Variants in RTL4 observed in about 807,000 individuals in gnomAD.
RTL4 encodes the protein retrotransposon Gag-like protein 4.
RTL4 carries 4 observed loss-of-function variants against 5.3 expected under a neutral mutation model. The ratio of observed to expected loss-of-function variants is 0.75; its 90% confidence interval spans 0.37 to 1.72. The LOEUF is 1.72. Ranked by LOEUF, RTL4 falls within the 40% of genes most tolerant of loss-of-function variation. RTL4 has a pLI of 0.04. For missense variants in RTL4, 260 were observed against 227.1 expected (o/e 1.14, Z -0.93); for synonymous variants, 98 against 87.3 (o/e 1.12, Z -0.68).
At chrX:112,351,957 T>A in the RTL4 span, among the ~76,000 whole-genome samples, 1 of 111,968 alleles carries the variant, frequency 8.9e-6, no homozygotes. Flanking sequence ...AGTTTCTTCC[T>A]AGCCTTGATG....
At chrX:112,161,881 C>CTTTCT in the RTL4 span, among the ~76,000 whole-genome samples, 21 of 21,146 alleles carry the variant, frequency 9.9e-4, no homozygotes, top group Non-Finnish European at 1.0e-3. Flanking sequence ...TTCCTTCTTT[C>CTTTCT]TTCTTTCTTT....
chrX:112,262,945 C>CAA, the RTL4 span, among the ~76,000 whole-genome samples: 3 of 104,895 alleles, frequency 2.9e-5, no homozygotes, highest in Non-Finnish European at 3.9e-5. Context: ...ATCGCAAGGA[C>CAA]AAACACCAAA....
the RTL4 span, among the ~76,000 whole-genome samples, chrX:112,090,795 A>T: frequency 9.0e-6 from 1 of 110,861 alleles, no homozygotes; most frequent in Non-Finnish European, 1.9e-5. Context: ...TCCTATTAAA[A>T]TTTTTTTAGA....
At chrX:112,275,165 A>T in the RTL4 span, among the ~76,000 whole-genome samples, 1 of 104,811 alleles carries the variant, frequency 9.5e-6, no homozygotes, top group Non-Finnish European at 1.9e-5. Flanking sequence ...ATTTGATCTC[A>T]TTTTTTCTCT....
the RTL4 span, among the ~76,000 whole-genome samples, chrX:112,114,917 T>C: frequency 2.2e-4 from 25 of 111,451 alleles, no homozygotes; most frequent in Admixed American, 5.7e-4. Context: ...TTGTAATTTA[T>C]ACTTCCCTCA....
chrX:112,370,222 T>A, the RTL4 span, among the ~76,000 whole-genome samples: 2 of 111,111 alleles, frequency 1.8e-5, no homozygotes, highest in Non-Finnish European at 3.8e-5. Context: ...CAAAAGCCTC[T>A]TATTTGACCA....
At chrX:112,133,837 T>C in the RTL4 span, among the ~76,000 whole-genome samples, 1 of 112,365 alleles carries the variant, frequency 8.9e-6, no homozygotes, top group Admixed American at 9.4e-5. Flanking sequence ...GGCTGTATTC[T>C]CATTATTGAT....
At chrX:112,111,568 G>A in the RTL4 span, among the ~76,000 whole-genome samples, 1 of 112,692 alleles carries the variant, frequency 8.9e-6, no homozygotes, top group South Asian at 3.6e-4. Flanking sequence ...TGCAGCATGG[G>A]CATGTAGGAT....
the RTL4 span, among the ~76,000 whole-genome samples, chrX:112,329,405 C>T: frequency 2.7e-5 from 3 of 111,655 alleles, no homozygotes; most frequent in African/African-American, 6.5e-5. Flanking sequence ...ACTAGAAAAT[C>T]TAGAAGAAAT....
the RTL4 span, among the ~76,000 whole-genome samples, chrX:112,094,121 G>A: frequency 9.0e-6 from 1 of 111,666 alleles, no homozygotes; most frequent in Non-Finnish European, 1.9e-5. Context: ...CTAGTTAGGA[G>A]TGTATTGAAA....
the RTL4 span, among the ~76,000 whole-genome samples, chrX:112,281,885 T>C: frequency 3.6e-5 from 4 of 112,119 alleles, no homozygotes; most frequent in South Asian, 1.5e-3. Flanking sequence ...ATTTTTACTA[T>C]TAATCCCTTT....
At chrX:112,358,714 C>A in the RTL4 span, among the ~76,000 whole-genome samples, 8 of 111,615 alleles carry the variant, frequency 7.2e-5, no homozygotes, top group South Asian at 3.0e-3. Flanking sequence ...TGGTGGCTGC[C>A]ATTCCAGATC....
At chrX:112,106,170 C>T in the RTL4 span, among the ~76,000 whole-genome samples, 3 of 111,878 alleles carry the variant, frequency 2.7e-5, no homozygotes, top group Non-Finnish European at 3.8e-5. Context: ...TGGTGTATCA[C>T]GTTTGTGGAT....
the RTL4 span, among the ~76,000 whole-genome samples, chrX:112,338,828 T>A: frequency 8.9e-6 from 1 of 112,177 alleles, no homozygotes; most frequent in Admixed American, 9.5e-5. Context: ...GATTTGTCAA[T>A]AAAGTAATAG....
At chrX:112,380,890 G>C in the RTL4 span, among the ~76,000 whole-genome samples, 1 of 112,053 alleles carries the variant, frequency 8.9e-6, no homozygotes. Context: ...AGGAAGGCCA[G>C]AAGAGATGGG....
At chrX:112,255,014 G>C in the RTL4 span, among the ~76,000 whole-genome samples, 2 of 111,707 alleles carry the variant, frequency 1.8e-5, no homozygotes, top group Non-Finnish European at 3.8e-5. Context: ...CTGCTGGGCA[G>C]GACATAACTT....
exon 1 of RTL4, chrX:112,456,359 C>T (rs964788939): frequency 6.5e-6 from 2 of 307,204 alleles, no homozygotes; most frequent in African/African-American, 5.5e-5. Context: ...TTGAATACTG[C>T]TTGGAACTGT....
At chrX:112,330,624 A>G in the RTL4 span, among the ~76,000 whole-genome samples, 2 of 111,152 alleles carry the variant, frequency 1.8e-5, no homozygotes, top group African/African-American at 6.6e-5. Flanking sequence ...TAAAGCTACC[A>G]AAGACTTTCT....
the RTL4 span, among the ~76,000 whole-genome samples, chrX:112,310,933 GAAATTCCAGTCTTGCAATT>G: frequency 2.0e-5 from 2 of 99,826 alleles, no homozygotes; most frequent in African/African-American, 7.3e-5. Flanking sequence ...AGACAGCAAA[GAAATTCCAGTCTTGCAATT>G]AAATTCCAGT....
Sources: gnomAD v4.1 joint callset for allele counts (sites outside exome capture counted in the v4.1 genomes callset) on GRCh38, gnomAD v4.1.1 for gene constraint, MANE v1.5 for transcripts, NCBI Gene and HGNC (gene_info 2026-07-23, HGNC 2026-07-21) for gene names.